The following GRAMD4 variants were observed in gnomAD, a reference collection of about 807,000 sequenced individuals.
GRAMD4 encodes GRAM domain containing 4.
GRAMD4 carries 25 observed loss-of-function variants against 83.9 expected under a neutral mutation model. That is an observed-to-expected ratio of 0.30 (90% CI 0.22 to 0.42). The LOEUF is 0.42. Ranked by LOEUF, GRAMD4 falls within the 10% of genes least tolerant of loss-of-function variation. The pLI is 1.00. For missense variants in GRAMD4, 593 were observed against 788.7 expected (o/e 0.75, Z 2.97); for synonymous variants, 336 against 320.9 (o/e 1.05, Z -0.50).
At chr22:46,649,896 C>G (rs190175713) in intron 3 of GRAMD4, among the ~76,000 whole-genome samples, 1 of 152,190 alleles carries the variant, frequency 6.6e-6, no homozygotes, top group East Asian at 1.9e-4. Context: ...TAGATGAAGC[C>G]GTACTCTGGG....
At chr22:46,586,417 T>C (rs9616065) in intron 1 of GRAMD4, among the ~76,000 whole-genome samples, 74,363 of 151,440 alleles carry the variant, frequency 0.49, 20,297 homozygotes, top group African/African-American at 0.75. Flanking sequence ...AGGGGCTCTG[T>C]CCCCTCCTCT....
intron 2 of GRAMD4, among the ~76,000 whole-genome samples, chr22:46,632,776 A>C (rs1348698937): frequency 3.9e-5 from 6 of 152,230 alleles, no homozygotes; most frequent in Non-Finnish European, 8.8e-5. Context: ...CGTGGGGCCC[A>C]GCCCTCGTGG....
upstream of GRAMD4, among the ~76,000 whole-genome samples, chr22:46,618,765 T>TGTGCAGCCCCGTCTGGAGGC (rs371721294): frequency 0.072 from 10,947 of 151,810 alleles, 673 homozygotes; most frequent in African/African-American, 0.17. This position sits in a 1 kb window ranked among gnomAD's most constrained non-coding sequence, Gnocchi z 5.8. Context: ...GGTGGACAGA[T>TGTGCAGCCCCGTCTGGAGGC]GTGCAGCCCC....
intron 3 of GRAMD4, among the ~76,000 whole-genome samples, chr22:46,652,935 G>A (rs541680510): frequency 4.3e-4 from 65 of 152,326 alleles, no homozygotes; most frequent in African/African-American, 1.5e-3. Context: ...TGAATGTGTC[G>A]CTGGTGGGCA....
chr22:46,661,198 AG>A (rs1290379970), intron 4 of GRAMD4, among the ~76,000 whole-genome samples, 182 bp from the exon 5 acceptor site: 6 of 152,258 alleles, frequency 3.9e-5, no homozygotes, highest in African/African-American at 1.4e-4. Flanking sequence ...TTAGGAAGGC[AG>A]CTCTGTGCTT....
intron 1 of GRAMD4, among the ~76,000 whole-genome samples, chr22:46,610,373 C>G (rs1601554160): frequency 6.6e-6 from 1 of 152,174 alleles, no homozygotes; most frequent in East Asian, 1.9e-4. Flanking sequence ...CAGTGACAGC[C>G]CACGGACCAC....
intron 3 of GRAMD4, among the ~76,000 whole-genome samples, chr22:46,654,842 G>A (rs1221864421): frequency 2.6e-5 from 4 of 152,224 alleles, no homozygotes; most frequent in African/African-American, 4.8e-5. Flanking sequence ...TGTGGGGTGT[G>A]TTGGGCACAA....
Position 46,678,796 on chromosome 22 carries a change from G to T in GRAMD4, c.*1545G>T. 1.0e-6 allele frequency: 1 copy of T among 986,204 alleles called. No individual in the cohort carries two copies. 61.1% of individuals were successfully genotyped at this position (986,204 alleles called of 1,614,324 possible). A position where few individuals can be genotyped will look rare whatever the true frequency, so the allele number is the denominator to read the frequency against. On this transcript the variant is annotated 3_prime_UTR_variant, in exon 19 of 19. Coordinates refer to ENST00000406902, the MANE Select transcript of GRAMD4 (RefSeq NM_015124.5). ...GGGCTGGTTTCACCCCCTTCACGAG[G>T]GGCCGCAGAGTCACACGCTGGTGCC...
chr22:46,669,892 T>TTTGTC (rs1327343564), intron 13 of GRAMD4, among the ~76,000 whole-genome samples: 3 of 152,150 alleles, frequency 2.0e-5, no homozygotes, highest in East Asian at 3.9e-4. Flanking sequence ...TCTGTTTTGT[T>TTTGTC]TTGTCTTGTC....
At chr22:46,587,494 C>T (rs2081162335) in intron 1 of GRAMD4, among the ~76,000 whole-genome samples, 2 of 151,622 alleles carry the variant, frequency 1.3e-5, no homozygotes, top group African/African-American at 4.8e-5. Flanking sequence ...TGCTTGCTTT[C>T]TGTAGCCCTT....
chr22:46,651,106 G>T (rs1285609712), intron 3 of GRAMD4, among the ~76,000 whole-genome samples: 1 of 152,186 alleles, frequency 6.6e-6, no homozygotes, highest in African/African-American at 2.4e-5. Context: ...ACAATGAGAC[G>T]GCTGATGTGC....
Position 46,678,319 on chromosome 22 carries a change from C to G in GRAMD4, c.*1068C>G. 1 of 985,470 alleles carries G rather than the reference C, an allele frequency of 1.0e-6. No individual in the cohort carries two copies. The highest frequency in any genetic ancestry group is 1.2e-6 in the Non-Finnish European group (1 of 829,940). The allele number at this position is 985,470 out of a possible 1,614,324, so 61.0% of individuals were successfully genotyped here. ...GTGAGCCGAGCCCAGAGGCCTGGGC[C>G]TGCACTGCCTGCAGCCGACATGCGA... On this transcript the variant is annotated 3_prime_UTR_variant, in exon 19 of 19. Coordinates refer to ENST00000406902, the MANE Select transcript of GRAMD4 (RefSeq NM_015124.5).
intron 3 of GRAMD4, among the ~76,000 whole-genome samples, chr22:46,638,727 G>A (rs369089427): frequency 6.6e-6 from 1 of 152,246 alleles, no homozygotes; most frequent in Non-Finnish European, 1.5e-5. Flanking sequence ...TCTCACAGCT[G>A]ACTCTATGGT....
At chr22:46,601,343 C>T (rs1169660482) in intron 1 of GRAMD4, among the ~76,000 whole-genome samples, 4 of 152,040 alleles carry the variant, frequency 2.6e-5, no homozygotes, top group African/African-American at 4.8e-5. Flanking sequence ...GGAATAGTTT[C>T]GACCTTGTGG....
At position 46,620,431 on chromosome 22, in the gene GRAMD4, C is replaced by T; in HGVS notation, c.-184C>T. The T allele has an allele frequency of 1.0e-6, 1 of 985,376 alleles. No individual in the cohort carries two copies. The highest frequency in any genetic ancestry group is 1.2e-6 in the Non-Finnish European group (1 of 829,892). 61.0% of individuals were successfully genotyped at this position (985,376 alleles called of 1,614,324 possible). A position where few individuals can be genotyped will look rare whatever the true frequency, so the allele number is the denominator to read the frequency against. On this transcript the variant is annotated 5_prime_UTR_variant, in exon 1 of 19. Coordinates refer to ENST00000406902, the MANE Select transcript of GRAMD4 (RefSeq NM_015124.5). This position sits in a 1 kb window ranked among gnomAD's most constrained non-coding sequence, Gnocchi z 4.7. ...AGGCTCCAGGGCAGCAGACACCACC[C>T]TCTCCGTGCCTGCTGGTGTTGGGCG...
At chr22:46,627,109 G>C (rs1322072919) in intron 2 of GRAMD4, 148 bp downstream of exon 2, 7 of 607,964 alleles carry the variant, frequency 1.2e-5, no homozygotes, top group Non-Finnish European at 2.0e-5. Context: ...ACCTGCTCCC[G>C]ACCCCTGCAG....
chr22:46,673,008 C>A lies in GRAMD4; in HGVS notation c.1239+11C>A, dbSNP rs778498628. On this transcript the variant is annotated intron_variant, in intron 14 of 18. Coordinates refer to ENST00000406902, the MANE Select transcript of GRAMD4 (RefSeq NM_015124.5). Reference sequence around the variant, plus strand: ...GCAGTCTCACGCAGGGTGAGCCCGGCCCCCAGCTGCGGGGATGGGGGGATG... The same window carrying A: ...GCAGTCTCACGCAGGGTGAGCCCGGACCCCAGCTGCGGGGATGGGGGGATG... 6.4e-7 allele frequency: 1 copy of A among 1,567,682 alleles called. No individual in the cohort carries two copies. The highest frequency in any genetic ancestry group is 1.8e-5 in the Admixed American group (1 of 54,924).
chr22:46,663,091 G>A lies in GRAMD4; in HGVS notation c.518G>A (p.Arg173Gln), dbSNP rs950568969. 9 of 1,612,150 alleles carry A rather than the reference G, an allele frequency of 5.6e-6. No individual in the cohort carries two copies. Among genetic ancestry groups the A allele is most frequent in the East Asian group, 2.2e-5 (1 of 44,842 alleles). Residue 173 changes from arginine to glutamine, a missense_variant, in exon 6 of 19, where the codon CGG (arginine) becomes CAG (glutamine). Coordinates refer to ENST00000406902, the MANE Select transcript of GRAMD4 (RefSeq NM_015124.5). Reference sequence around the variant, plus strand: ...CGCCTGCAGAAGTGGTTCTACGAGCGGTTTGGGGAGTACGTGGAGGACTTC... The same window carrying A: ...CGCCTGCAGAAGTGGTTCTACGAGCAGTTTGGGGAGTACGTGGAGGACTTC... ...SSRLQKWFYE[R>Q]FGEYVEDFRF...
intron 3 of GRAMD4, among the ~76,000 whole-genome samples, chr22:46,656,020 C>A (rs978219677): frequency 6.6e-6 from 1 of 152,064 alleles, no homozygotes; most frequent in Non-Finnish European, 1.5e-5. Flanking sequence ...CCTGATGAGA[C>A]TGGGCAGCCC....
Sources: gnomAD v4.1 joint callset for allele counts (sites outside exome capture counted in the v4.1 genomes callset) on GRCh38, gnomAD v4.1.1 for gene constraint, Gnocchi (gnomAD v3.1) non-coding constraint, MANE v1.5 for transcripts, NCBI Gene and HGNC (gene_info 2026-07-23, HGNC 2026-07-21) for gene names.